Variants in TENM4 observed in about 807,000 individuals in gnomAD.
TENM4 encodes teneurin-4.
In TENM4, 82 loss-of-function variants were observed where a neutral mutation model predicts 243.3. The observed-to-expected ratio is 0.34, with a 90% CI of 0.28 to 0.40. TENM4 has a LOEUF of 0.40. TENM4 is among the 10% of genes least tolerant of loss of function. The probability of loss-of-function intolerance (pLI) is 1.00; values close to 1 mark genes in which losing one functional copy is unlikely to be tolerated. For synonymous variants in TENM4, 1,412 were observed against 1,456.3 expected (o/e 0.97, Z 0.69); for missense variants, 3,138 against 3,673.3 (o/e 0.85, Z 3.77).
chr11:78,746,169 G>A (rs1856047163), intron 19 of TENM4, among the ~76,000 whole-genome samples: 1 of 152,210 alleles, frequency 6.6e-6, no homozygotes, highest in African/African-American at 2.4e-5. Flanking sequence ...CTGAGTGACT[G>A]AGTCCACGTT....
Position 78,862,850 on chromosome 11 carries a change from G to A in TENM4, c.1255+112C>T, listed in dbSNP as rs78060989. 7.3e-3 allele frequency: 8,156 copies of A among 1,120,384 alleles called. 446 individuals are homozygous for A. The African/African-American group carries it at 0.11, about 16-fold the overall frequency. 69.4% of individuals were successfully genotyped at this position (1,120,384 alleles called of 1,614,324 possible). On this transcript the variant is annotated intron_variant, in intron 10 of 33. Coordinates refer to ENST00000278550, the MANE Select transcript of TENM4 (RefSeq NM_001098816.3). ...TGGAGTGTGGAAGGATGGAGGGAGC[G>A]CCAGAGCATGGAGCTGTGAGCCAGG...
chr11:78,773,844 G>A (rs1187067672), intron 17 of TENM4, among the ~76,000 whole-genome samples: 1 of 152,174 alleles, frequency 6.6e-6, no homozygotes, highest in Non-Finnish European at 1.5e-5. Flanking sequence ...ACTAGGACTG[G>A]CCACTGTGCT....
chr11:78,878,664 C>A (rs1859333671), intron 9 of TENM4, among the ~76,000 whole-genome samples: 1 of 152,160 alleles, frequency 6.6e-6, no homozygotes, highest in African/African-American at 2.4e-5. Flanking sequence ...TTTCTTCTGG[C>A]AGGACTGTGG....
chr11:79,363,321 G>C (rs1418394482), intron 1 of TENM4, among the ~76,000 whole-genome samples: 3 of 152,168 alleles, frequency 2.0e-5, no homozygotes, highest in Non-Finnish European at 4.4e-5. Flanking sequence ...ATTCCTACAG[G>C]CATTTAAGTT....
intron 4 of TENM4, among the ~76,000 whole-genome samples, chr11:79,127,061 C>T (rs1333289250): frequency 6.6e-6 from 1 of 152,108 alleles, no homozygotes; most frequent in African/African-American, 2.4e-5. Context: ...GTGGGTTCCC[C>T]CACTCATCCT....
chr11:79,175,559 T>C (rs1166242534), intron 3 of TENM4, among the ~76,000 whole-genome samples: 1 of 152,228 alleles, frequency 6.6e-6, no homozygotes, highest in African/African-American at 2.4e-5. Context: ...AAAGGTAGAC[T>C]ATATGTTGTT....
intron 7 of TENM4, among the ~76,000 whole-genome samples, chr11:78,896,874 T>C (rs953539141): frequency 1.3e-5 from 2 of 152,040 alleles, no homozygotes; most frequent in African/African-American, 4.8e-5. Context: ...TCATCTCTAA[T>C]ATGGGGATGA....
chr11:79,271,774 C>T (rs1290742736), intron 2 of TENM4, among the ~76,000 whole-genome samples: 2 of 152,196 alleles, frequency 1.3e-5, no homozygotes, highest in Non-Finnish European at 1.5e-5. Context: ...GAAGTGGTGG[C>T]CTCTGGCCTG....
chr11:78,895,914 T>C (rs1011566492), intron 7 of TENM4, among the ~76,000 whole-genome samples: 1 of 152,082 alleles, frequency 6.6e-6, no homozygotes, highest in Non-Finnish European at 1.5e-5. Context: ...TTCAGCTAAG[T>C]GGTGGGCTGT....
At chr11:79,175,380 A>G (rs1305613875) in intron 3 of TENM4, among the ~76,000 whole-genome samples, 1 of 152,244 alleles carries the variant, frequency 6.6e-6, no homozygotes, top group African/African-American at 2.4e-5. Context: ...CCAACTGAAT[A>G]TCAGTGCTGG....
At chr11:79,007,274 A>G (rs575204877) in intron 6 of TENM4, among the ~76,000 whole-genome samples, 1 of 152,306 alleles carries the variant, frequency 6.6e-6, no homozygotes, top group South Asian at 2.1e-4. Flanking sequence ...ATAATATTTT[A>G]ATAAAATGGG....
intron 2 of TENM4, among the ~76,000 whole-genome samples, chr11:79,279,629 C>T (rs1226380043): frequency 1.3e-5 from 2 of 152,166 alleles, no homozygotes; most frequent in African/African-American, 4.8e-5. Flanking sequence ...TATCCCACTG[C>T]CCCATAGCTG....
At chr11:78,858,746 A>G (rs1858741384) in intron 10 of TENM4, among the ~76,000 whole-genome samples, 1 of 152,194 alleles carries the variant, frequency 6.6e-6, no homozygotes, top group Non-Finnish European at 1.5e-5. Flanking sequence ...GGCTAGAGGC[A>G]ATTGGAGGCA....
At chr11:79,215,246 G>A (rs1038270658) in intron 3 of TENM4, among the ~76,000 whole-genome samples, 1 of 151,808 alleles carries the variant, frequency 6.6e-6, no homozygotes, top group Non-Finnish European at 1.5e-5. Context: ...TTTTTTCATT[G>A]CTTTTCTGCA....
intron 6 of TENM4, among the ~76,000 whole-genome samples, chr11:79,010,270 G>T (rs913592785): frequency 2.0e-5 from 3 of 152,068 alleles, no homozygotes; most frequent in Non-Finnish European, 4.4e-5. Flanking sequence ...TTAAAAATAC[G>T]GTTTCTGCTG....
intron 12 of TENM4, among the ~76,000 whole-genome samples, chr11:78,840,724 GTC>G (rs1858239162): frequency 6.6e-6 from 1 of 152,144 alleles, no homozygotes; most frequent in African/African-American, 2.4e-5. Context: ...AGTCTGAACT[GTC>G]TTCCCAGTGT....
At chr11:79,345,255 G>T (rs1019226411) in intron 1 of TENM4, among the ~76,000 whole-genome samples, 5 of 152,184 alleles carry the variant, frequency 3.3e-5, no homozygotes, top group Non-Finnish European at 7.3e-5. Flanking sequence ...CTTCTCTAAT[G>T]TCATGGGCTT....
chr11:79,144,049 C>T (rs1158735949), intron 4 of TENM4, among the ~76,000 whole-genome samples: 1 of 151,992 alleles, frequency 6.6e-6, no homozygotes, highest in African/African-American at 2.4e-5. Context: ...ACCAACTATT[C>T]ATCTGACGAC....
intron 6 of TENM4, among the ~76,000 whole-genome samples, chr11:79,036,874 G>A (rs1859394847): frequency 1.3e-5 from 2 of 152,000 alleles, no homozygotes; most frequent in Admixed American, 1.3e-4. Flanking sequence ...AGCTGGGCAT[G>A]GTGGCGGTCA....
Sources: gnomAD v4.1 joint callset for allele counts (sites outside exome capture counted in the v4.1 genomes callset) on GRCh38, gnomAD v4.1.1 for gene constraint, MANE v1.5 for transcripts, NCBI Gene and HGNC (gene_info 2026-07-23, HGNC 2026-07-21) for gene names.